The following LHFPL3 variants were observed in gnomAD, a reference collection of about 807,000 sequenced individuals.
LHFPL3 encodes LHFPL tetraspan subfamily member 3 protein.
Under a neutral mutation model 19.3 loss-of-function variants are expected in LHFPL3, and 5 were observed. The ratio of observed to expected loss-of-function variants is 0.26; its 90% CI spans 0.14 to 0.54. The LOEUF (loss-of-function observed/expected upper bound fraction) is 0.54. Among genes scored for constraint, LHFPL3 ranks in the 20% least tolerant of loss-of-function variants. The probability of loss-of-function intolerance (pLI) is 0.94; values close to 1 mark genes in which losing one functional copy is unlikely to be tolerated. For synonymous variants in LHFPL3, 133 were observed against 126.2 expected (o/e 1.05, Z -0.36); for missense variants, 249 against 307.4 (o/e 0.81, Z 1.42).
intron 1 of LHFPL3, among the ~76,000 whole-genome samples, chr7:104,502,630 C>G (rs1237620307): frequency 6.6e-6 from 1 of 152,128 alleles, no homozygotes; most frequent in African/African-American, 2.4e-5. Context: ...ACCTGCCCCC[C>G]ATCACACACC....
At chr7:104,867,272 A>C (rs1039924387) in intron 2 of LHFPL3, among the ~76,000 whole-genome samples, 1 of 152,222 alleles carries the variant, frequency 6.6e-6, no homozygotes, top group South Asian at 2.1e-4. Flanking sequence ...CCTTCAAAAA[A>C]ATCAATGAAT....
chr7:104,614,481 C>A (rs1001805520), intron 1 of LHFPL3, among the ~76,000 whole-genome samples: 3 of 152,118 alleles, frequency 2.0e-5, no homozygotes, highest in African/African-American at 7.2e-5. Flanking sequence ...GGTAAACACA[C>A]ACTGAGTATG....
At chr7:104,597,991 G>A (rs1790896166) in intron 1 of LHFPL3, among the ~76,000 whole-genome samples, 1 of 151,484 alleles carries the variant, frequency 6.6e-6, no homozygotes, top group South Asian at 2.1e-4. Flanking sequence ...TCAAAATTAT[G>A]GTTAAGTTTG....
intron 2 of LHFPL3, among the ~76,000 whole-genome samples, chr7:104,893,437 C>T (rs943009603): frequency 2.6e-5 from 4 of 151,730 alleles, no homozygotes; most frequent in African/African-American, 9.7e-5. Context: ...TCGCTTGAAC[C>T]TAGGAGGCTA....
At chr7:104,734,673 T>C (rs919437449) in intron 1 of LHFPL3, among the ~76,000 whole-genome samples, 4 of 152,212 alleles carry the variant, frequency 2.6e-5, no homozygotes, top group Non-Finnish European at 5.9e-5. Context: ...AACTTCCTCT[T>C]TAGCTCGGAG....
intron 1 of LHFPL3, among the ~76,000 whole-genome samples, chr7:104,420,450 G>T (rs141441471): frequency 1.3e-5 from 2 of 152,012 alleles, no homozygotes; most frequent in African/African-American, 2.4e-5. Flanking sequence ...AAAGAGAGGT[G>T]GTTCTAAGTA....
chr7:104,894,560 C>T (rs1792316864), intron 2 of LHFPL3: 1 of 152,242 alleles, frequency 6.6e-6, no homozygotes, highest in African/African-American at 2.4e-5. Context: ...AGCACTCAGA[C>T]ATCATCCTTG....
intron 2 of LHFPL3, among the ~76,000 whole-genome samples, chr7:104,873,725 T>A (rs574738838): frequency 6.6e-6 from 1 of 152,376 alleles, no homozygotes; most frequent in South Asian, 2.1e-4. Flanking sequence ...CACACACATT[T>A]TCTTTCCGTC....
At chr7:104,575,597 C>G (rs1790323015) in intron 1 of LHFPL3, among the ~76,000 whole-genome samples, 1 of 123,754 alleles carries the variant, frequency 8.1e-6, no homozygotes, top group Non-Finnish European at 1.6e-5. Context: ...CAGAAACAAG[C>G]AACCTGCCCA....
intron 2 of LHFPL3, among the ~76,000 whole-genome samples, chr7:104,806,256 A>G (rs941102155): frequency 2.0e-5 from 3 of 152,242 alleles, no homozygotes; most frequent in Non-Finnish European, 2.9e-5. Flanking sequence ...CTTAGGTTTC[A>G]ATTAGTTCAG....
Position 104,645,302 on chromosome 7 carries a change from G to A in LHFPL3, c.446-91373G>A, listed in dbSNP as rs78919516. Among the ~76,000 whole-genome samples, 11 of 152,196 alleles carry A rather than the reference G, an allele frequency of 7.2e-5. No individual in the cohort carries two copies. The East Asian group carries it at 1.9e-3, about 27-fold the overall frequency. ...GGTTTGCAAAGATTAATTTTGCCCA[G>A]CAATGACCCTCTTGGTTTAGCTTAC... is the stretch of plus-strand genomic sequence containing the variant. On this transcript the variant is annotated intron_variant, in intron 1 of 2. Coordinates refer to ENST00000424859, the MANE Select transcript of LHFPL3 (RefSeq NM_199000.3).
intron 2 of LHFPL3, among the ~76,000 whole-genome samples, chr7:104,890,217 C>T (rs958974911): frequency 6.6e-6 from 1 of 152,170 alleles, no homozygotes; most frequent in Non-Finnish European, 1.5e-5. Flanking sequence ...TTGGGAGGGT[C>T]CCTTGAGCCC....
intron 1 of LHFPL3, among the ~76,000 whole-genome samples, chr7:104,380,285 ATGTACT>A (rs1191846639): frequency 6.6e-6 from 1 of 152,180 alleles, no homozygotes; most frequent in South Asian, 2.1e-4. Flanking sequence ...ATTTAAAATA[ATGTACT>A]TGTACAGATA....
At chr7:104,773,182 C>CCAGAACCTGA (rs1322422226) in intron 2 of LHFPL3, among the ~76,000 whole-genome samples, 1 of 152,200 alleles carries the variant, frequency 6.6e-6, no homozygotes, top group Non-Finnish European at 1.5e-5. Context: ...TCTTACCCAC[C>CCAGAACCTGA]CAGAACCTGA....
chr7:104,623,632 A>G (rs1180786957), intron 1 of LHFPL3, among the ~76,000 whole-genome samples: 1 of 152,244 alleles, frequency 6.6e-6, no homozygotes, highest in African/African-American at 2.4e-5. Context: ...ACTCTGTCTC[A>G]AAAAACAAAC....
intron 1 of LHFPL3, among the ~76,000 whole-genome samples, chr7:104,468,348 G>A (rs1436106096): frequency 6.6e-6 from 1 of 152,218 alleles, no homozygotes; most frequent in East Asian, 1.9e-4. Context: ...ATCTAGAAAT[G>A]CGATTTTTAA....
At chr7:104,627,384 C>G (rs1231820779) in intron 1 of LHFPL3, among the ~76,000 whole-genome samples, 1 of 152,108 alleles carries the variant, frequency 6.6e-6, no homozygotes, top group Non-Finnish European at 1.5e-5. Flanking sequence ...TTAATGGATG[C>G]TTAGGTTGAT....
At chr7:104,329,708 G>T (rs986543261) in intron 1 of LHFPL3, among the ~76,000 whole-genome samples, 6 of 152,168 alleles carry the variant, frequency 3.9e-5, no homozygotes, top group Non-Finnish European at 7.3e-5. Context: ...GAAAGGGGGC[G>T]GGGGGCGGTG....
chr7:104,602,637 T>G (rs1013332631), intron 1 of LHFPL3, among the ~76,000 whole-genome samples: 2 of 152,232 alleles, frequency 1.3e-5, no homozygotes, highest in Non-Finnish European at 2.9e-5. Flanking sequence ...TTCAGCATTA[T>G]GTCAGTAGAA....
Sources: allele counts gnomAD v4.1 joint callset (sites outside exome capture counted in the v4.1 genomes callset), GRCh38; gene constraint gnomAD v4.1.1; transcripts MANE v1.5; gene names NCBI Gene and HGNC (gene_info 2026-07-23, HGNC 2026-07-21).